The following PARD3 variants were observed in gnomAD, a reference collection of about 807,000 sequenced individuals.
PARD3 encodes the protein partitioning defective 3 homolog.
Under a neutral mutation model 155.4 loss-of-function variants are expected in PARD3, and 75 were observed. The observed-to-expected ratio is 0.48, with a 90% CI of 0.40 to 0.58. The LOEUF is 0.58. Ranked by LOEUF, PARD3 falls within the 20% of genes least tolerant of loss-of-function variation. PARD3 has a pLI of 0.00. For missense variants in PARD3, 1,642 were observed against 1,721.7 expected (o/e 0.95, Z 0.82); for synonymous variants, 576 against 610.5 (o/e 0.94, Z 0.83).
intron 1 of PARD3, among the ~76,000 whole-genome samples, chr10:34,761,507 G>T (rs1402776223): frequency 6.6e-6 from 1 of 152,050 alleles, no homozygotes; most frequent in Non-Finnish European, 1.5e-5. Flanking sequence ...AAACAAATCA[G>T]ATTGATTATT....
At chr10:34,591,415 C>T (rs2088664810) in intron 2 of PARD3, among the ~76,000 whole-genome samples, 1 of 152,098 alleles carries the variant, frequency 6.6e-6, no homozygotes, top group Non-Finnish European at 1.5e-5. Context: ...TTCTCTCATT[C>T]AACCAACATC....
At chr10:34,182,307 C>T (rs1190973505) in intron 22 of PARD3, among the ~76,000 whole-genome samples, 1 of 152,196 alleles carries the variant, frequency 6.6e-6, no homozygotes, top group Non-Finnish European at 1.5e-5. Flanking sequence ...AATATTGATA[C>T]TTCTTTACAC....
chr10:34,269,028 C>T (rs1431626075), intron 22 of PARD3, among the ~76,000 whole-genome samples: 1 of 152,160 alleles, frequency 6.6e-6, no homozygotes, highest in African/African-American at 2.4e-5. Flanking sequence ...ATTACACATT[C>T]TATGCATGTA....
Position 34,203,990 on chromosome 10 carries a change from G to A in PARD3, c.3419+65667C>T, listed in dbSNP as rs1564479565. Reference sequence around the variant, plus strand: ...ATGTTATGATTAAAACTCAGTGGCAGCTAGATTGTAGTTATAATTTTCATA... The same window carrying A: ...ATGTTATGATTAAAACTCAGTGGCAACTAGATTGTAGTTATAATTTTCATA... On this transcript the variant is annotated intron_variant, in intron 22 of 24. Transcript: ENST00000374788. Among the ~76,000 whole-genome samples, 8 of 152,322 alleles carry A rather than the reference G, an allele frequency of 5.3e-5. No individual in the cohort carries two copies. In the South Asian group the frequency reaches 1.7e-3, roughly 32 times the overall value.
intron 10 of PARD3, among the ~76,000 whole-genome samples, chr10:34,376,348 A>C (rs888623230): frequency 2.0e-5 from 3 of 152,230 alleles, no homozygotes; most frequent in African/African-American, 7.2e-5. Context: ...TATGTGATAA[A>C]AGAAAAAAGT....
intron 23 of PARD3, among the ~76,000 whole-genome samples, chr10:34,131,114 G>A (rs1036656502): frequency 6.6e-6 from 1 of 152,196 alleles, no homozygotes; most frequent in African/African-American, 2.4e-5. Context: ...GCACAATGGA[G>A]AAGTGCTGAA....
chr10:34,477,902 C>T (rs1293700296), intron 3 of PARD3, among the ~76,000 whole-genome samples: 1 of 152,200 alleles, frequency 6.6e-6, no homozygotes, highest in East Asian at 1.9e-4. Context: ...TCATACATTT[C>T]CTAAAGAGAC....
At chr10:34,458,225 C>T (rs1041640057) in intron 4 of PARD3, among the ~76,000 whole-genome samples, 4 of 151,892 alleles carry the variant, frequency 2.6e-5, no homozygotes, top group African/African-American at 9.7e-5. Context: ...TTTGGGGAGA[C>T]AGGGTCTCAC....
chr10:34,450,368 A>C lies in PARD3; in HGVS notation c.663T>G (p.Ser221=). ...CCACCATTGGGTGACTGGCACTCAG[A>C]GACGAGCGAGCATTGTCTCTCTGAA... is the stretch of plus-strand genomic sequence containing the variant. ...NQFQRDNARS[S]LSASHPMVGK... Residue 221 remains serine (S), a synonymous_variant, in exon 5 of 25, where the codon TCT becomes TCG. Coordinates refer to ENST00000374788, the MANE Select transcript of PARD3 (RefSeq NM_001184785.2). 2 of 1,614,112 alleles carry C rather than the reference A, an allele frequency of 1.2e-6. No individual in the cohort carries two copies. The highest frequency in any genetic ancestry group is 1.7e-6 in the Non-Finnish European group (2 of 1,179,960).
At chr10:34,387,750 G>T (rs1842492470) in intron 7 of PARD3, among the ~76,000 whole-genome samples, 1 of 152,046 alleles carries the variant, frequency 6.6e-6, no homozygotes, top group Non-Finnish European at 1.5e-5. Context: ...TTTCAGATAA[G>T]TAGATGAACA....
intron 2 of PARD3, among the ~76,000 whole-genome samples, chr10:34,630,369 C>G (rs1302299650): frequency 6.6e-6 from 1 of 152,096 alleles, no homozygotes; most frequent in Non-Finnish European, 1.5e-5. Flanking sequence ...TCCCAACCTC[C>G]AAACACCCAT....
intron 14 of PARD3, among the ~76,000 whole-genome samples, chr10:34,353,258 A>G (rs1187535505): frequency 6.6e-6 from 1 of 152,226 alleles, no homozygotes; most frequent in Admixed American, 6.5e-5. Context: ...TGACGATAGC[A>G]GTTTTGTCGA....
chr10:34,579,737 C>T (rs977767509), intron 2 of PARD3, among the ~76,000 whole-genome samples: 2 of 151,480 alleles, frequency 1.3e-5, no homozygotes, highest in African/African-American at 2.4e-5. Context: ...TGCACCACCA[C>T]GCCTGGCTAA....
chr10:34,289,469 C>T lies in PARD3; in HGVS notation c.3066-5224G>A, dbSNP rs190434879. Among the ~76,000 whole-genome samples, 83 of 151,948 alleles carry T rather than the reference C, an allele frequency of 5.5e-4. 1 individual carries two copies. In the East Asian group the frequency reaches 0.014, roughly 26 times the overall value. On this transcript the variant is annotated intron_variant, in intron 20 of 24. Coordinates refer to ENST00000374788, the MANE Select transcript of PARD3 (RefSeq NM_001184785.2). ...ATTCCCAAAGTGCTGGGACTACAGG[C>T]GTGAGCCACTGCATCTGGCCAGATC...
At chr10:34,354,302 C>A (rs972589210) in intron 14 of PARD3, among the ~76,000 whole-genome samples, 2 of 151,066 alleles carry the variant, frequency 1.3e-5, no homozygotes, top group Non-Finnish European at 2.9e-5. Flanking sequence ...GGCGTGAACC[C>A]GGGAGGCGGA....
intron 2 of PARD3, among the ~76,000 whole-genome samples, chr10:34,641,182 G>A (rs868752401): frequency 3.3e-5 from 5 of 152,070 alleles, no homozygotes; most frequent in South Asian, 2.1e-4. Context: ...TCCTTACCAC[G>A]AACACACTTT....
chr10:34,775,544 C>T (rs1403796950), intron 1 of PARD3, among the ~76,000 whole-genome samples: 1 of 152,166 alleles, frequency 6.6e-6, no homozygotes, highest in Non-Finnish European at 1.5e-5. Context: ...AGTCTCCTTA[C>T]AGGACCAAGC....
intron 1 of PARD3, among the ~76,000 whole-genome samples, chr10:34,765,720 G>A (rs957780393): frequency 7.2e-5 from 11 of 151,914 alleles, no homozygotes; most frequent in African/African-American, 2.7e-4. Flanking sequence ...ACTAAAAACA[G>A]GAGCAGTGAT....
chr10:34,312,653 G>A (rs1307664382), intron 20 of PARD3, among the ~76,000 whole-genome samples: 1 of 152,120 alleles, frequency 6.6e-6, no homozygotes, highest in Non-Finnish European at 1.5e-5. Context: ...CGGGGACCCA[G>A]GTAATCATTT....
Sources: gnomAD v4.1 joint callset for allele counts (sites outside exome capture counted in the v4.1 genomes callset) on GRCh38, gnomAD v4.1.1 for gene constraint, MANE v1.5 for transcripts, NCBI Gene and HGNC (gene_info 2026-07-23, HGNC 2026-07-21) for gene names.